Variants in LIG1 observed in about 807,000 individuals in gnomAD.
The protein encoded by LIG1 is ligase I, DNA, ATP-dependent.
LIG1 carries 70 observed loss-of-function variants against 115.7 expected under a neutral mutation model. The ratio of observed to expected loss-of-function variants is 0.60; its 90% confidence interval spans 0.50 to 0.74. The LOEUF (loss-of-function observed/expected upper bound fraction) is 0.74. LIG1 is among the 30% of genes least tolerant of loss of function. The pLI is 0.00. For synonymous variants in LIG1, 487 were observed against 495.3 expected (o/e 0.98, Z 0.22); for missense variants, 1,115 against 1,225.6 (o/e 0.91, Z 1.35).
intron 14 of LIG1, among the ~76,000 whole-genome samples, chr19:48,136,761 A>T (rs960783800): frequency 4.6e-5 from 7 of 152,188 alleles, no homozygotes; most frequent in African/African-American, 1.4e-4. Context: ...CTCACCAATC[A>T]ATCACAGCAT....
chr19:48,165,775 A>G, intron 1 of LIG1, 152 bp from the exon 2 acceptor site: 1 of 675,182 alleles, frequency 1.5e-6, no homozygotes, highest in Non-Finnish European at 2.6e-6. Flanking sequence ...GAACCAAAAT[A>G]ATTTGCTGGT....
At chr19:48,154,751 G>A (rs960211745) in intron 5 of LIG1, among the ~76,000 whole-genome samples, 21 of 152,154 alleles carry the variant, frequency 1.4e-4, no homozygotes, top group African/African-American at 5.1e-4. Flanking sequence ...CCTGGTCCCC[G>A]GTCTCCCGGC....
In LIG1 at chr19:48,121,295, C is replaced by T. The variant is rs1457899817; in HGVS notation, c.2260G>A (p.Gly754Ser). The T allele has an allele frequency of 6.2e-7, 1 of 1,609,666 alleles. No homozygotes were observed. The highest frequency in any genetic ancestry group is 8.5e-7 in the Non-Finnish European group (1 of 1,176,976). Residue 754 changes from glycine to serine, a missense_variant, in exon 24 of 28, where the codon GGT (glycine) becomes AGT (serine). Coordinates refer to ENST00000263274, the MANE Select transcript of LIG1 (RefSeq NM_000234.3). ...ATCACCACCAGGTCCAGGGTGTCAC[C>T]CACGCCATCAAGGTAGTCCTTCTTC... is the stretch of plus-strand genomic sequence containing the variant. The part of the protein sequence containing the change: ...KLKKDYLDGV[G>S]DTLDLVVIGA...
chr19:48,117,212 TAC>T (rs1748860893), intron 26 of LIG1, among the ~76,000 whole-genome samples: 1 of 152,058 alleles, frequency 6.6e-6, no homozygotes, highest in Admixed American at 6.6e-5. Context: ...CAGGATGGAG[TAC>T]AGTGGTGTGA....
At chr19:48,132,182 G>A (rs1180391948) in intron 18 of LIG1, among the ~76,000 whole-genome samples, 1 of 151,988 alleles carries the variant, frequency 6.6e-6, no homozygotes, top group Non-Finnish European at 1.5e-5. Context: ...TCCTGTAACT[G>A]CCCCGAGCCC....
intron 22 of LIG1, 52 bp from the exon 23 acceptor site, chr19:48,123,068 C>A: frequency 6.2e-7 from 1 of 1,611,510 alleles, no homozygotes; most frequent in South Asian, 1.1e-5. Context: ...TCACAAGCGC[C>A]GGAGCAGGCA....
chr19:48,157,272 C>T, intron 4 of LIG1, 132 bp from the exon 5 acceptor site: 13 of 979,662 alleles, frequency 1.3e-5, no homozygotes, highest in Non-Finnish European at 1.9e-5. Flanking sequence ...AGCCCTAACT[C>T]AGGGGTGGCC....
At chr19:48,143,804 C>T in intron 10 of LIG1, 79 bp downstream of exon 10, 3 of 1,313,578 alleles carry the variant, frequency 2.3e-6, no homozygotes, top group Non-Finnish European at 3.3e-6. Context: ...ACCATTTCTC[C>T]CAACCAAGAC....
rs374822791 is a variant in LIG1 at position 48,115,744 on chromosome 19, G to A, written c.2677-12C>T. On this transcript the variant is annotated splice_polypyrimidine_tract_variant and intron_variant, in intron 27 of 27. Coordinates refer to ENST00000263274, the MANE Select transcript of LIG1 (RefSeq NM_000234.3). Reference sequence around the variant, plus strand: ...TACAAACAGGCCACCTGCGGAGAGAGGGTGGGACGGGGTGGTCAGAAGCTC... The same window carrying A: ...TACAAACAGGCCACCTGCGGAGAGAAGGTGGGACGGGGTGGTCAGAAGCTC... 1 of 1,606,058 alleles carries A rather than the reference G, an allele frequency of 6.2e-7. No individual in the cohort carries two copies. The highest frequency in any genetic ancestry group is 1.1e-5 in the South Asian group (1 of 90,882).
chr19:48,167,241 T>G (rs2036533193), intron 1 of LIG1, among the ~76,000 whole-genome samples: 1 of 151,838 alleles, frequency 6.6e-6, no homozygotes, highest in Admixed American at 6.6e-5. Context: ...TAATTATAAT[T>G]ATTTACATTA....
chr19:48,147,873 T>C (rs774118692), intron 9 of LIG1, among the ~76,000 whole-genome samples: 4 of 152,028 alleles, frequency 2.6e-5, no homozygotes, highest in Non-Finnish European at 4.4e-5. Context: ...CATGGCAGAT[T>C]TCCTGGGCTT....
intron 3 of LIG1, 24 bp downstream of exon 3, chr19:48,162,238 C>T: frequency 1.3e-6 from 2 of 1,589,888 alleles, no homozygotes; most frequent in Non-Finnish European, 1.7e-6. Context: ...AAAAAATTCA[C>T]CATATCCCAG....
intron 27 of LIG1, 22 bp downstream of exon 27, chr19:48,115,851 C>A (rs1199869009): frequency 1.2e-6 from 2 of 1,607,578 alleles, no homozygotes; most frequent in East Asian, 4.5e-5. Context: ...GGGCGGCCCA[C>A]CCCTGCTTCC....
chr19:48,140,306 TCA>T (rs1179543758), intron 11 of LIG1, among the ~76,000 whole-genome samples, 163 bp from the exon 12 acceptor site: 1 of 152,132 alleles, frequency 6.6e-6, no homozygotes, highest in Non-Finnish European at 1.5e-5. Flanking sequence ...ATGAGGACAA[TCA>T]CAGATTGCTG....
rs1303825958 is a variant in LIG1 at position 48,161,062 on chromosome 19, A to G, written c.243+310T>C. ...TTGAGCCCTTGTTTTACCATCAGGC[A>G]TTATTCTCAGATCTGTATGTAAATC... On this transcript the variant is annotated intron_variant, in intron 4 of 27. Coordinates refer to ENST00000263274, the MANE Select transcript of LIG1 (RefSeq NM_000234.3). 2.2e-5 allele frequency: 9 copies of G among 416,166 alleles called. No individual in the cohort carries two copies. The East Asian group carries it at 4.8e-4, about 22-fold the overall frequency. 25.8% of individuals were successfully genotyped at this position (416,166 alleles called of 1,614,324 possible).
chr19:48,161,267 G>T, intron 4 of LIG1, 105 bp downstream of exon 4: 4 of 1,519,696 alleles, frequency 2.6e-6, no homozygotes, highest in South Asian at 1.1e-5. Context: ...TACCTCTCCC[G>T]GGCAATTTCT....
At chr19:48,156,678 C>G (rs1194592943) in intron 5 of LIG1, among the ~76,000 whole-genome samples, 2 of 151,924 alleles carry the variant, frequency 1.3e-5, no homozygotes, top group African/African-American at 4.8e-5. Context: ...TGCGGTGGCT[C>G]ACGCCTGTAA....
chr19:48,169,327 C>G (rs2036643702), intron 1 of LIG1, among the ~76,000 whole-genome samples: 1 of 152,156 alleles, frequency 6.6e-6, no homozygotes, highest in Admixed American at 6.5e-5. Flanking sequence ...ACCACACAAA[C>G]TGGTGAAAAC....
rs758926643 is a variant in LIG1, at chr19:48,134,021, G to A, written c.1569C>T (p.His523=). ...LDRIIPVLLE[H]GLERLPEHCK... Reference sequence around the variant, plus strand: ...AGTGCTCCGGGAGACGTTCCAGGCCGTGCTCCAGCAGCACGGGGATAATTC... The same window carrying A: ...AGTGCTCCGGGAGACGTTCCAGGCCATGCTCCAGCAGCACGGGGATAATTC... Residue 523 remains histidine (H), a synonymous_variant, in exon 17 of 28, where the codon CAC becomes CAT. Transcript: ENST00000263274. The A allele has an allele frequency of 8.4e-5, 131 of 1,557,198 alleles. 1 individual carries two copies. Among genetic ancestry groups the A allele is most frequent in the Non-Finnish European group, 1.1e-4 (126 of 1,149,984 alleles).
Sources: gnomAD v4.1 joint callset for allele counts (sites outside exome capture counted in the v4.1 genomes callset) on GRCh38, gnomAD v4.1.1 for gene constraint, MANE v1.5 for transcripts, NCBI Gene and HGNC (gene_info 2026-07-23, HGNC 2026-07-21) for gene names.